RIMKLB: variants seen among roughly 807,000 people sequenced by gnomAD.
The protein encoded by RIMKLB is ribosomal modification protein rimK like family member B.
In RIMKLB, 7 loss-of-function variants were observed where a neutral mutation model predicts 32.0. The ratio of observed to expected loss-of-function variants is 0.22; its 90% CI spans 0.12 to 0.41. The LOEUF is 0.41. Among genes scored for constraint, RIMKLB ranks in the 10% least tolerant of loss-of-function variants. The pLI, the probability that RIMKLB is intolerant of heterozygous loss-of-function variation, is 1.00. For missense variants in RIMKLB, 289 were observed against 498.7 expected (o/e 0.58, Z 4.00); for synonymous variants, 172 against 185.1 (o/e 0.93, Z 0.57).
At position 8,748,877 on chromosome 12, in the gene RIMKLB, T is replaced by G. The variant is rs1205311370; in HGVS notation, c.176-985T>G. On this transcript the variant is annotated intron_variant, in intron 2 of 5. Transcript: ENST00000535829. ...TTGCTTGAACCCAGGAAGCAGAGGT[T>G]GCAGTGAGCTGAGACCATGCCACTG... Among the ~76,000 whole-genome samples, 5 of 152,112 alleles carry G rather than the reference T, an allele frequency of 3.3e-5. No individual in the cohort carries two copies. In the East Asian group the frequency reaches 9.7e-4, roughly 30 times the overall value.
chr12:8,766,318 C>G lies in RIMKLB; in HGVS notation c.698-7003C>G, dbSNP rs188384959. On this transcript the variant is annotated intron_variant, in intron 5 of 5. Coordinates refer to ENST00000535829, the MANE Select transcript of RIMKLB (RefSeq NM_001297776.2). ...CTTTCTTGACCACAAAGAAAGGGGTCCGGCTGCTGGATTCTAGTGGTCCTT... is the reference window on the plus strand; with the variant it reads ...CTTTCTTGACCACAAAGAAAGGGGTGCGGCTGCTGGATTCTAGTGGTCCTT... Among the ~76,000 whole-genome samples the G allele has an allele frequency of 3.9e-5, 6 of 152,186 alleles. No individual in the cohort carries two copies. The East Asian group carries it at 1.2e-3, about 29-fold the overall frequency.
chr12:8,775,801 T>C lies in RIMKLB; in HGVS notation c.*2017T>C. ...TCTCATTTCACCTCAGAGAAAAGGA[T>C]ACATAAGAGGAGTTTGTAATTTATC... On this transcript the variant is annotated 3_prime_UTR_variant, in exon 6 of 6. Transcript: ENST00000535829. The C allele has an allele frequency of 1.0e-6, 1 of 985,268 alleles. No homozygotes were observed. Among genetic ancestry groups the C allele is most frequent in the Non-Finnish European group, 1.2e-6 (1 of 829,540 alleles). The allele number at this position is 985,268 out of a possible 1,614,324, so 61.0% of individuals were successfully genotyped here. A position where few individuals can be genotyped will look rare whatever the true frequency, so the allele number is the denominator to read the frequency against.
chr12:8,750,193 T>C (rs1948497266), intron 3 of RIMKLB, 101 bp downstream of exon 3: 1 of 685,024 alleles, frequency 1.5e-6, no homozygotes, highest in East Asian at 2.5e-5. Context: ...GAAGTGTCTT[T>C]CAGTTTTAAC....
chr12:8,716,278 C>T (rs1301064848), intron 2 of RIMKLB, among the ~76,000 whole-genome samples: 1 of 152,112 alleles, frequency 6.6e-6, no homozygotes, highest in Non-Finnish European at 1.5e-5. Flanking sequence ...ACCTAGTGAA[C>T]ATTTTCACTT....
chr12:8,772,753 G>A (rs1034261327), intron 5 of RIMKLB, among the ~76,000 whole-genome samples: 1 of 152,166 alleles, frequency 6.6e-6, no homozygotes, highest in East Asian at 1.9e-4. Context: ...TCAGAGCTTC[G>A]TGAAGCTGAT....
chr12:8,742,542 G>A (rs1947655956), intron 2 of RIMKLB: 3 of 364,548 alleles, frequency 8.2e-6, no homozygotes, highest in South Asian at 2.3e-5. Flanking sequence ...GATGGAATAT[G>A]TATCTATAAA....
At chr12:8,707,470 G>C (rs143398509) in intron 1 of RIMKLB, among the ~76,000 whole-genome samples, 9 of 152,332 alleles carry the variant, frequency 5.9e-5, no homozygotes, top group Non-Finnish European at 1.2e-4. Flanking sequence ...CACCCTCCAG[G>C]ATCTGCTACG....
chr12:8,678,619 C>T (rs1197695565), upstream of RIMKLB, among the ~76,000 whole-genome samples: 2 of 152,202 alleles, frequency 1.3e-5, no homozygotes, highest in Non-Finnish European at 2.9e-5. Context: ...TGAGCCACTG[C>T]GCCCAGTGGT....
chr12:8,720,149 G>C (rs142613915), intron 2 of RIMKLB, among the ~76,000 whole-genome samples: 1 of 152,302 alleles, frequency 6.6e-6, no homozygotes, highest in East Asian at 1.9e-4. Flanking sequence ...CAGTAATGAA[G>C]ACATTTTTCA....
chr12:8,699,569 A>G (rs1943202646), intron 1 of RIMKLB, among the ~76,000 whole-genome samples: 1 of 152,164 alleles, frequency 6.6e-6, no homozygotes, highest in Admixed American at 6.5e-5. Context: ...TTTCTTTTCC[A>G]ATGGTTACTG....
At chr12:8,738,103 C>T (rs1426655205) in intron 2 of RIMKLB, among the ~76,000 whole-genome samples, 3 of 152,146 alleles carry the variant, frequency 2.0e-5, no homozygotes, top group East Asian at 3.8e-4. Context: ...CTTAAATTGT[C>T]AGGGTTAGGG....
intron 2 of RIMKLB, among the ~76,000 whole-genome samples, chr12:8,720,392 T>C (rs1371531432): frequency 2.6e-5 from 4 of 152,212 alleles, no homozygotes; most frequent in Admixed American, 1.3e-4. Flanking sequence ...TGAGAAACTT[T>C]TATGTGCCAG....
At chr12:8,704,999 C>CACACACACAAAAA (rs35908223) in intron 1 of RIMKLB, among the ~76,000 whole-genome samples, 1 of 151,540 alleles carries the variant, frequency 6.6e-6, no homozygotes, top group African/African-American at 2.4e-5. Context: ...CACACACACA[C>CACACACACAAAAA]AAAACCCCAA....
intron 2 of RIMKLB, among the ~76,000 whole-genome samples, chr12:8,738,979 G>A (rs1445547460): frequency 1.3e-5 from 2 of 152,198 alleles, no homozygotes; most frequent in African/African-American, 2.4e-5. Flanking sequence ...ATACAGCTTT[G>A]TCACATTTGA....
rs891405205 is a variant in RIMKLB, at chr12:8,774,976, G to C, written c.*1192G>C. On this transcript the variant is annotated 3_prime_UTR_variant, in exon 6 of 6. Transcript: ENST00000535829. ...AGAAAATGGAGCATGATGGGAAACA[G>C]AGTTTTTGACTTTAAAAAACAGATG... The C allele has an allele frequency of 2.0e-6, 2 of 982,234 alleles. No individual in the cohort carries two copies. Among genetic ancestry groups the C allele is most frequent in the African/African-American group, 3.7e-5 (2 of 54,220 alleles). The allele number at this position is 982,234 out of a possible 1,614,324, so 60.8% of individuals were successfully genotyped here. A position where few individuals can be genotyped will look rare whatever the true frequency, so the allele number is the denominator to read the frequency against.
intron 2 of RIMKLB, among the ~76,000 whole-genome samples, chr12:8,725,426 C>T (rs776981008): frequency 1.3e-5 from 2 of 151,972 alleles, no homozygotes; most frequent in Non-Finnish European, 2.9e-5. Flanking sequence ...TACAGGTGCA[C>T]GCCAGCACGC....
At chr12:8,708,420 T>A (rs1591665007) in intron 1 of RIMKLB, among the ~76,000 whole-genome samples, 1 of 152,304 alleles carries the variant, frequency 6.6e-6, no homozygotes, top group South Asian at 2.1e-4. Flanking sequence ...AATAGAAATC[T>A]TTTATGCTCT....
At chr12:8,691,534 C>T (rs1942733158) in intron 1 of RIMKLB, among the ~76,000 whole-genome samples, 2 of 151,986 alleles carry the variant, frequency 1.3e-5, no homozygotes, top group South Asian at 2.1e-4. Context: ...TGTTTGAACC[C>T]AGGAGGCAAA....
intron 2 of RIMKLB, among the ~76,000 whole-genome samples, chr12:8,728,054 T>A (rs1463422750): frequency 6.6e-6 from 1 of 152,210 alleles, no homozygotes; most frequent in East Asian, 1.9e-4. Flanking sequence ...CTTGAACTTG[T>A]TGTATGCATT....
Sources: allele counts gnomAD v4.1 joint callset (sites outside exome capture counted in the v4.1 genomes callset), GRCh38; gene constraint gnomAD v4.1.1; transcripts MANE v1.5; gene names NCBI Gene and HGNC (gene_info 2026-07-23, HGNC 2026-07-21).